ALPK3: variants seen among roughly 807,000 people sequenced by gnomAD.
ALPK3 encodes alpha kinase 3, also known as alpha-protein kinase 3.
A neutral mutation model predicts 140.0 loss-of-function variants in ALPK3; 102 were observed. That is an observed-to-expected ratio of 0.73 (90% CI 0.62 to 0.86). The LOEUF is 0.86. Among genes scored for constraint, ALPK3 ranks in the 40% least tolerant of loss-of-function variants. The pLI, the probability that ALPK3 is intolerant of heterozygous loss-of-function variation, is 0.00. For missense variants in ALPK3, 2,254 were observed against 2,208.2 expected (o/e 1.02, Z -0.42); for synonymous variants, 938 against 898.5 (o/e 1.04, Z -0.79).
intron 5 of ALPK3, among the ~76,000 whole-genome samples, chr15:84,843,382 T>A (rs1963688821): frequency 6.6e-6 from 1 of 152,084 alleles, no homozygotes; most frequent in Non-Finnish European, 1.5e-5. Context: ...GCAGGAGAAT[T>A]GCTAGAACCT....
intron 5 of ALPK3, among the ~76,000 whole-genome samples, chr15:84,846,845 A>C (rs1963736904): frequency 1.3e-5 from 2 of 152,026 alleles, no homozygotes; most frequent in African/African-American, 2.4e-5. Context: ...GTTCACTGCA[A>C]CCTTCACCTC....
intron 5 of ALPK3, among the ~76,000 whole-genome samples, chr15:84,842,405 A>G (rs1317349985): frequency 6.6e-6 from 1 of 152,234 alleles, no homozygotes; most frequent in Non-Finnish European, 1.5e-5. Flanking sequence ...AACTAAGATG[A>G]GACTGTTTCT....
chr15:84,823,216 T>C, intron 1 of ALPK3, 114 bp from the exon 2 acceptor site: 3 of 1,228,430 alleles, frequency 2.4e-6, no homozygotes, highest in African/African-American at 1.5e-5. Flanking sequence ...TCCCTTTTAA[T>C]AGAAAGGCTT....
At chr15:84,864,274 C>T (rs1963979897) in intron 11 of ALPK3, among the ~76,000 whole-genome samples, 168 bp from the exon 12 acceptor site, 3 of 152,208 alleles carry the variant, frequency 2.0e-5, no homozygotes. Flanking sequence ...CATTTCCTTT[C>T]CCAAACTCAG....
chr15:84,863,490 G>A (rs1035418435), intron 10 of ALPK3, 62 bp from the exon 11 acceptor site: 9 of 1,461,886 alleles, frequency 6.2e-6, no homozygotes, highest in Non-Finnish European at 8.5e-6. Flanking sequence ...TCACTTAGGG[G>A]TAGACACAGT....
intron 3 of ALPK3, among the ~76,000 whole-genome samples, chr15:84,836,907 T>G (rs552029787): frequency 6.6e-6 from 1 of 152,006 alleles, no homozygotes; most frequent in South Asian, 2.1e-4. Context: ...GATGAAGAGC[T>G]CAGGAAAAGT....
intron 2 of ALPK3, among the ~76,000 whole-genome samples, chr15:84,826,424 C>G (rs1813185169): frequency 6.6e-6 from 1 of 152,114 alleles, no homozygotes; most frequent in Non-Finnish European, 1.5e-5. Flanking sequence ...TTTGCCCCCT[C>G]ACAGTCCTCT....
intron 1 of ALPK3, among the ~76,000 whole-genome samples, chr15:84,822,799 T>G (rs1486353981): frequency 1.3e-5 from 2 of 152,218 alleles, no homozygotes; most frequent in Non-Finnish European, 2.9e-5. Context: ...CTTGTTTTTC[T>G]CTTTTTCACT....
intron 5 of ALPK3, among the ~76,000 whole-genome samples, chr15:84,846,702 A>G (rs1337161009): frequency 6.6e-6 from 1 of 152,104 alleles, no homozygotes; most frequent in East Asian, 1.9e-4. Flanking sequence ...AAACAAACAA[A>G]CAAAAAGAGG....
intron 3 of ALPK3, among the ~76,000 whole-genome samples, chr15:84,830,257 T>G (rs1963532099): frequency 6.9e-6 from 1 of 144,148 alleles, no homozygotes; most frequent in South Asian, 2.2e-4. Context: ...CCATTCTTCT[T>G]TTATCTGAAC....
At chr15:84,839,162 C>A in intron 4 of ALPK3, 65 bp downstream of exon 4, 2 of 1,373,578 alleles carry the variant, frequency 1.5e-6, no homozygotes, top group Non-Finnish European at 2.0e-6. Context: ...GGGGTCCTGC[C>A]CTCAGAAATG....
In ALPK3 at chr15:84,871,991, C is replaced by T. The variant is rs534778073; in HGVS notation, c.*3535C>T. On this transcript the variant is annotated 3_prime_UTR_variant, in exon 14 of 14. Coordinates refer to ENST00000258888, the MANE Select transcript of ALPK3 (RefSeq NM_020778.5). ...AGGGCCAAGACAAATTACTGCCCCT[C>T]TCAGAGCCACAGGTGTAGACAGGTG... 2.0e-5 allele frequency: 3 copies of T among 152,446 alleles called. No homozygotes were observed. The East Asian group carries it at 5.8e-4, about 29-fold the overall frequency. 9.4% of individuals were successfully genotyped at this position (152,446 alleles called of 1,614,324 possible). A position where few individuals can be genotyped will look rare whatever the true frequency, so the allele number is the denominator to read the frequency against.
intron 6 of ALPK3, among the ~76,000 whole-genome samples, 191 bp from the exon 7 acceptor site, chr15:84,859,052 A>G (rs1453423184): frequency 2.0e-5 from 3 of 152,062 alleles, no homozygotes; most frequent in Non-Finnish European, 4.4e-5. Context: ...TCTAGCTGAG[A>G]TGTGTGCTTT....
intron 2 of ALPK3, 126 bp downstream of exon 2, chr15:84,823,494 G>T: frequency 9.4e-7 from 1 of 1,064,200 alleles, no homozygotes; most frequent in Non-Finnish European, 1.4e-6. Flanking sequence ...TGGAGGGTGG[G>T]TGGGGAGAGT....
chr15:84,865,773 A>G (rs1028511605), intron 12 of ALPK3, among the ~76,000 whole-genome samples: 2 of 152,186 alleles, frequency 1.3e-5, no homozygotes, highest in African/African-American at 4.8e-5. Flanking sequence ...AGCCTGGCCA[A>G]CACAGCAAAA....
rs776875875 is a variant in ALPK3, at chr15:84,839,978, G to C, written c.699G>C (p.Pro233=). 2 of 1,612,776 alleles carry C rather than the reference G, an allele frequency of 1.2e-6. No individual in the cohort carries two copies. The highest frequency in any genetic ancestry group is 1.7e-6 in the Non-Finnish European group (2 of 1,179,436). Residue 233 remains proline, a synonymous_variant, in exon 5 of 14, where the codon CCG becomes CCC. Transcript: ENST00000258888. ...GGCGATTGAGCGGGGCTCAAGCGCC[G>C]GGCCCCTCGGTCCCTACCAGGGAGC... ...RKRRLSGAQA[P]GPSVPTREPE...
intron 12 of ALPK3, among the ~76,000 whole-genome samples, chr15:84,866,709 A>C (rs7182119): frequency 0.077 from 11,732 of 152,236 alleles, 504 homozygotes; most frequent in East Asian, 0.11. Flanking sequence ...CTGCCTTTGT[A>C]AGTAGTGCAG....
chr15:84,856,347 A>C, intron 5 of ALPK3, 45 bp from the exon 6 acceptor site: 1 of 1,543,124 alleles, frequency 6.5e-7, no homozygotes, highest in Non-Finnish European at 8.7e-7. Flanking sequence ...AAGAGATCTG[A>C]ATGTCCATGT....
At position 84,857,775 on chromosome 15, in the gene ALPK3, C is replaced by G. The variant is rs142109538; in HGVS notation, c.3037C>G (p.Arg1013Gly). Reference protein sequence around the residue: ...VAGLSPRTSRRILERVENNHL... With the variant: ...VAGLSPRTSRGILERVENNHL... Reference sequence around the variant, plus strand: ...TGGGCTTAGTCCCCGGACATCGAGGCGCATCCTGGAGCGTGTGGAGAACAA... The same window carrying G: ...TGGGCTTAGTCCCCGGACATCGAGGGGCATCCTGGAGCGTGTGGAGAACAA... The change falls in exon 6 of 14, where the codon CGC becomes GGC. Residue 1013 changes from arginine to glycine, a missense_variant. By Grantham distance (125) the Arg-to-Gly change is moderately radical. This residue lies in a region of ALPK3 where 2,088 missense variants were observed against 2,022.9 expected (regional missense o/e 1.03). Coordinates refer to ENST00000258888, the MANE Select transcript of ALPK3 (RefSeq NM_020778.5). The G allele has an allele frequency of 6.2e-7, 1 of 1,612,622 alleles. No homozygotes were observed. Among genetic ancestry groups the G allele is most frequent in the Non-Finnish European group, 8.5e-7 (1 of 1,179,160 alleles).
Sources: gnomAD v4.1 joint callset for allele counts (sites outside exome capture counted in the v4.1 genomes callset) on GRCh38, gnomAD v4.1.1 for gene constraint, gnomAD v4.1.1 regional missense constraint, MANE v1.5 for transcripts, NCBI Gene and HGNC (gene_info 2026-07-23, HGNC 2026-07-21) for gene names.